Variants in RGS3 observed in about 807,000 individuals in gnomAD.
RGS3 encodes regulator of G protein signaling 3.
In RGS3, 80 loss-of-function variants were observed where a neutral mutation model predicts 132.6. The observed-to-expected ratio is 0.60, with a 90% confidence interval of 0.50 to 0.73. The LOEUF (loss-of-function observed/expected upper bound fraction) is 0.73. Among genes scored for constraint, RGS3 ranks in the 30% least tolerant of loss-of-function variants. The pLI is 0.00. For synonymous variants in RGS3, 598 were observed against 620.6 expected (o/e 0.96, Z 0.54); for missense variants, 1,382 against 1,530.8 (o/e 0.90, Z 1.62).
At chr9:113,496,776 C>T (rs1830697152) in intron 8 of RGS3, among the ~76,000 whole-genome samples, 1 of 152,056 alleles carries the variant, frequency 6.6e-6, no homozygotes, top group Admixed American at 6.6e-5. Flanking sequence ...GTCTCAAACT[C>T]CTGACCTCAG....
intron 19 of RGS3, among the ~76,000 whole-genome samples, chr9:113,573,484 T>C (rs937730218): frequency 3.3e-5 from 5 of 152,144 alleles, no homozygotes; most frequent in Non-Finnish European, 5.9e-5. Context: ...AGGCGGCACA[T>C]GGATAGGAAT....
intron 1 of RGS3, among the ~76,000 whole-genome samples, chr9:113,447,336 T>TATATATATATATATATATAC (rs1829132421): frequency 2.5e-5 from 2 of 78,954 alleles, no homozygotes; most frequent in Non-Finnish European, 5.3e-5. Flanking sequence ...TATGTATATA[T>TATATATATATATATATATAC]ATATATATAT....
exon 20 of RGS3, chr9:113,584,154 G>A: frequency 1.2e-6 from 2 of 1,614,270 alleles, no homozygotes; most frequent in Non-Finnish European, 1.7e-6. Flanking sequence ...GTGAGGCCAA[G>A]CGCAGCAGCA....
intron 4 of RGS3, 124 bp from the exon 3 acceptor site, chr9:113,482,935 A>G: frequency 6.4e-7 from 1 of 1,559,306 alleles, no homozygotes; most frequent in Non-Finnish European, 8.7e-7. Flanking sequence ...CTACTCACAG[A>G]TACGCTTTTC....
At chr9:113,518,679 G>C (rs916415233) in intron 16 of RGS3, among the ~76,000 whole-genome samples, 1 of 152,076 alleles carries the variant, frequency 6.6e-6, no homozygotes, top group Admixed American at 6.6e-5. Flanking sequence ...CCCTTCCACC[G>C]CTCGCTGTTG....
chr9:113,489,980 C>T (rs1168302021), intron 7 of RGS3, among the ~76,000 whole-genome samples: 3 of 152,164 alleles, frequency 2.0e-5, no homozygotes, highest in African/African-American at 7.2e-5. Flanking sequence ...AGATGATCTA[C>T]AAAGAAGTTC....
At chr9:113,519,272 A>G (rs1831822166) in intron 16 of RGS3, among the ~76,000 whole-genome samples, 1 of 152,094 alleles carries the variant, frequency 6.6e-6, no homozygotes, top group Admixed American at 6.5e-5. Context: ...TGTCTGCATA[A>G]AGACAAACTA....
chr9:113,582,280 T>C, intron 19 of RGS3: 1 of 830,296 alleles, frequency 1.2e-6, no homozygotes, highest in South Asian at 5.5e-5. Context: ...TTCTCATCCA[T>C]CAAATGGACA....
chr9:113,464,679 G>A lies in RGS3; in HGVS notation c.415+2478G>A, dbSNP rs144740236. Among the ~76,000 whole-genome samples, 358 of 152,328 alleles carry A rather than the reference G, an allele frequency of 2.4e-3. 1 individual carries two copies. The highest frequency in any genetic ancestry group is 7.9e-3 in the African/African-American group (328 of 41,572). ...AAACCAAGAGATCTTCCATGAGCCAGTGGCAGAGTTCGTAGCTGAGCTCAA... is the reference window on the plus strand; with the variant it reads ...AAACCAAGAGATCTTCCATGAGCCAATGGCAGAGTTCGTAGCTGAGCTCAA... On this transcript the variant is annotated intron_variant, in intron 3 of 24. Coordinates refer to ENST00000350696, the Ensembl canonical transcript of RGS3.
chr9:113,463,278 C>G lies in RGS3; in HGVS notation c.415+1077C>G, dbSNP rs552601954. On this transcript the variant is annotated intron_variant, in intron 3 of 24. Coordinates refer to ENST00000350696, the Ensembl canonical transcript of RGS3. The surrounding 1 kb of genome is among the most constrained non-coding windows in gnomAD (Gnocchi z 4.6). ...CATGGTGGGGGGCGACCTGTCCAAGCGCAGAGAACACTTTTCCAAACCTCA... is the reference window on the plus strand; with the variant it reads ...CATGGTGGGGGGCGACCTGTCCAAGGGCAGAGAACACTTTTCCAAACCTCA... Among the ~76,000 whole-genome samples, 6 of 152,334 alleles carry G rather than the reference C, an allele frequency of 3.9e-5. No individual in the cohort carries two copies. In the East Asian group the frequency reaches 1.2e-3, roughly 29 times the overall value.
At chr9:113,574,667 G>A (rs549408718) in intron 19 of RGS3, among the ~76,000 whole-genome samples, 6 of 152,320 alleles carry the variant, frequency 3.9e-5, no homozygotes, top group Middle Eastern at 3.4e-3. Context: ...CAGGGCATCC[G>A]AGGCAGATTG....
chr9:113,465,143 G>A (rs1829588083), intron 3 of RGS3, among the ~76,000 whole-genome samples: 1 of 152,194 alleles, frequency 6.6e-6, no homozygotes. Context: ...TAACCCCATT[G>A]GGATGCAGGG....
intron 20 of RGS3, among the ~76,000 whole-genome samples, chr9:113,588,178 C>G (rs931636207): frequency 6.6e-6 from 1 of 152,194 alleles, no homozygotes; most frequent in African/African-American, 2.4e-5. Context: ...AGGGTGCCAG[C>G]CCTGTTTCAC....
chr9:113,590,140 T>A (rs546280935), intron 20 of RGS3: 1 of 152,244 alleles, frequency 6.6e-6, no homozygotes, highest in Non-Finnish European at 1.5e-5. Flanking sequence ...AGGCCTTGAA[T>A]TGAGGCAGAT....
Position 113,573,888 on chromosome 9 carries a change from A to C in RGS3, c.2038-9562A>C, listed in dbSNP as rs140141447. Among the ~76,000 whole-genome samples, 470 of 152,348 alleles carry C rather than the reference A, an allele frequency of 3.1e-3. 1 individual carries two copies. The highest frequency in any genetic ancestry group is 4.8e-3 in the Non-Finnish European group (326 of 68,024). The stretch of plus-strand genomic sequence containing the variant: ...AAGGGAAGGAGGAAGTGAAGACGGC[A>C]GGAAAGGAGATCACAGAGGAGTAGA... On this transcript the variant is annotated intron_variant, in intron 19 of 24. Coordinates refer to ENST00000350696, the Ensembl canonical transcript of RGS3.
chr9:113,480,059 C>A (rs1039913103), intron 4 of RGS3, among the ~76,000 whole-genome samples: 7 of 152,148 alleles, frequency 4.6e-5, no homozygotes, highest in South Asian at 2.1e-4. Flanking sequence ...GGTGGTAATA[C>A]TATGTATCTT....
chr9:113,472,613 G>A (rs1829868519), intron 3 of RGS3, among the ~76,000 whole-genome samples: 1 of 152,230 alleles, frequency 6.6e-6, no homozygotes, highest in Admixed American at 6.5e-5. Flanking sequence ...GACAAGGGCT[G>A]AGGGGAGAAG....
intron 18 of RGS3, among the ~76,000 whole-genome samples, chr9:113,534,373 C>T (rs1832595425): frequency 6.6e-6 from 1 of 152,124 alleles, no homozygotes; most frequent in African/African-American, 2.4e-5. Flanking sequence ...CCTCAGTATC[C>T]ACCAAGGATT....
chr9:113,518,314 T>C (rs1007032185), intron 16 of RGS3, among the ~76,000 whole-genome samples: 7 of 152,196 alleles, frequency 4.6e-5, no homozygotes, highest in Non-Finnish European at 7.4e-5. Flanking sequence ...GGCCCCAATG[T>C]AGAGCTGCCT....
Sources: gnomAD v4.1 joint callset for allele counts (sites outside exome capture counted in the v4.1 genomes callset) on GRCh38, gnomAD v4.1.1 for gene constraint, Gnocchi (gnomAD v3.1) non-coding constraint, MANE v1.5 for transcripts, NCBI Gene and HGNC (gene_info 2026-07-23, HGNC 2026-07-21) for gene names.